TTC7B: variants seen among roughly 807,000 people sequenced by gnomAD.
TTC7B encodes tetratricopeptide repeat protein 7B.
Under a neutral mutation model 106.8 loss-of-function variants are expected in TTC7B, and 28 were observed. The ratio of observed to expected loss-of-function variants is 0.26; its 90% confidence interval spans 0.19 to 0.36. The LOEUF is 0.36. Ranked by LOEUF, TTC7B falls within the 10% of genes least tolerant of loss-of-function variation. TTC7B has a pLI of 1.00. For missense variants in TTC7B, 862 were observed against 1,076.4 expected (o/e 0.80, Z 2.79); for synonymous variants, 405 against 430.6 (o/e 0.94, Z 0.74).
Position 90,676,519 on chromosome 14 carries a change from G to A in TTC7B, c.1152+4C>T, listed in dbSNP as rs750064584. On this transcript the variant is annotated splice_donor_region_variant and intron_variant, in intron 9 of 19. Coordinates refer to ENST00000328459, the MANE Select transcript of TTC7B (RefSeq NM_001010854.2). ...TGGATGTCAACCAGACTCAGCAGCT[G>A]TACCTCTGACAGCATCTCATACTGG... The A allele has an allele frequency of 1.7e-4, 269 of 1,613,370 alleles. No homozygotes were observed. Among genetic ancestry groups the A allele is most frequent in the Non-Finnish European group, 2.2e-4 (255 of 1,179,602 alleles).
At chr14:90,793,348 A>C (rs552177080) in intron 1 of TTC7B, among the ~76,000 whole-genome samples, 24 of 151,964 alleles carry the variant, frequency 1.6e-4, no homozygotes, top group Admixed American at 7.2e-4. Context: ...ACATGGCAAA[A>C]CCCCGTCTCT....
chr14:90,764,504 C>T (rs1669155981), intron 3 of TTC7B, among the ~76,000 whole-genome samples: 1 of 151,948 alleles, frequency 6.6e-6, no homozygotes, highest in Non-Finnish European at 1.5e-5. Context: ...CAAAGGACAT[C>T]ACTTAGAAAG....
intron 5 of TTC7B, among the ~76,000 whole-genome samples, chr14:90,711,830 G>A (rs1458306701): frequency 6.6e-6 from 1 of 152,112 alleles, no homozygotes; most frequent in Non-Finnish European, 1.5e-5. Context: ...GTAGAAAGGA[G>A]GAATGAAGAA....
Position 90,678,261 on chromosome 14 carries a change from C to G in TTC7B, c.1015-1601G>C, listed in dbSNP as rs570382506. ...TCTGCAAATCAAGTTCTTATAATCC[C>G]ATTCTCCTAGGGGAAACTAATTTGA... On this transcript the variant is annotated intron_variant, in intron 8 of 19. Transcript: ENST00000328459. Among the ~76,000 whole-genome samples the G allele has an allele frequency of 2.6e-5, 4 of 152,294 alleles. No homozygotes were observed. In the South Asian group the frequency reaches 8.3e-4, roughly 32 times the overall value.
At chr14:90,706,303 C>T (rs1888210003) in intron 5 of TTC7B, among the ~76,000 whole-genome samples, 1 of 151,960 alleles carries the variant, frequency 6.6e-6, no homozygotes, top group South Asian at 2.1e-4. Flanking sequence ...GCTGGGACTA[C>T]AGGCACCTGC....
chr14:90,790,950 A>C (rs991720563), intron 1 of TTC7B, among the ~76,000 whole-genome samples: 3 of 152,122 alleles, frequency 2.0e-5, no homozygotes, highest in Non-Finnish European at 4.4e-5. Context: ...AGCGGAGAGA[A>C]CCAAGTGGCA....
intron 17 of TTC7B, among the ~76,000 whole-genome samples, chr14:90,605,968 G>T (rs556745607): frequency 5.3e-5 from 8 of 152,200 alleles, no homozygotes; most frequent in South Asian, 4.1e-4. Flanking sequence ...TAGTTGGTCC[G>T]CAACAACACC....
At chr14:90,792,402 C>A (rs1286717842) in intron 1 of TTC7B, among the ~76,000 whole-genome samples, 1 of 152,016 alleles carries the variant, frequency 6.6e-6, no homozygotes, top group Non-Finnish European at 1.5e-5. Context: ...TATGCAGAAA[C>A]CCTGTCCCTA....
intron 5 of TTC7B, among the ~76,000 whole-genome samples, chr14:90,722,113 A>C (rs1888920215): frequency 6.6e-6 from 1 of 152,296 alleles, no homozygotes; most frequent in African/African-American, 2.4e-5. Context: ...GTGAGTGCCC[A>C]GGCGACATGT....
intron 18 of TTC7B, chr14:90,585,788 T>C (rs1025105830): frequency 1.3e-5 from 2 of 152,320 alleles, no homozygotes; most frequent in African/African-American, 4.8e-5. Context: ...TTGCAAGAAC[T>C]GTGCACCTTC....
intron 1 of TTC7B, among the ~76,000 whole-genome samples, chr14:90,799,447 C>A (rs1463903081): frequency 6.6e-6 from 1 of 152,124 alleles, no homozygotes. Context: ...CAGAAAAGGG[C>A]CAGACAGTGG....
chr14:90,674,763 G>A (rs189614692), intron 9 of TTC7B, among the ~76,000 whole-genome samples: 32 of 152,334 alleles, frequency 2.1e-4, no homozygotes, highest in Admixed American at 3.3e-4. Context: ...AAAAGGCTCT[G>A]GGGGAGATAC....
chr14:90,593,327 A>G (rs1892047083), intron 18 of TTC7B, among the ~76,000 whole-genome samples, 159 bp downstream of exon 18: 1 of 152,228 alleles, frequency 6.6e-6, no homozygotes, highest in Non-Finnish European at 1.5e-5. Flanking sequence ...GCAAAGTAGT[A>G]GTAACATTTT....
intron 15 of TTC7B, among the ~76,000 whole-genome samples, chr14:90,640,724 G>A (rs1595234350): frequency 6.6e-6 from 1 of 152,234 alleles, no homozygotes; most frequent in Admixed American, 6.5e-5. Flanking sequence ...CAATTATTAC[G>A]TGATTACCAG....
At chr14:90,605,004 C>A (rs1892579279) in intron 17 of TTC7B, among the ~76,000 whole-genome samples, 1 of 152,188 alleles carries the variant, frequency 6.6e-6, no homozygotes, top group Non-Finnish European at 1.5e-5. Context: ...AACCCACTGG[C>A]ATTGGAATCA....
At chr14:90,723,223 C>A (rs1013734588) in intron 5 of TTC7B, among the ~76,000 whole-genome samples, 2 of 152,204 alleles carry the variant, frequency 1.3e-5, no homozygotes, top group South Asian at 2.1e-4. Context: ...CCCTTACCCT[C>A]TGTCCCCCAA....
intron 8 of TTC7B, among the ~76,000 whole-genome samples, chr14:90,678,601 T>A (rs143417607): frequency 7.0e-4 from 106 of 152,336 alleles, no homozygotes; most frequent in African/African-American, 2.5e-3. Context: ...ATCCTTCATA[T>A]CCACTGATGA....
intron 5 of TTC7B, among the ~76,000 whole-genome samples, chr14:90,708,965 G>T (rs1322551917): frequency 1.3e-5 from 2 of 151,006 alleles, no homozygotes; most frequent in Non-Finnish European, 3.0e-5. Context: ...TCAGAGAAAT[G>T]CAAATCAAAA....
At chr14:90,605,565 A>G in intron 17 of TTC7B, 1 of 1,251,398 alleles carries the variant, frequency 8.0e-7, no homozygotes. Flanking sequence ...CAAATGAAGT[A>G]GGTCTCACAA....
Sources: allele counts gnomAD v4.1 joint callset (sites outside exome capture counted in the v4.1 genomes callset), GRCh38; gene constraint gnomAD v4.1.1; transcripts MANE v1.5; gene names NCBI Gene and HGNC (gene_info 2026-07-23, HGNC 2026-07-21).